The following PRKAR1A variants were observed in gnomAD, a reference collection of about 807,000 sequenced individuals.
PRKAR1A encodes protein kinase cAMP-dependent type I regulatory subunit alpha.
In PRKAR1A, 3 loss-of-function variants were observed where a neutral mutation model predicts 52.0. The ratio of observed to expected loss-of-function variants is 0.06; its 90% confidence interval spans 0.03 to 0.15. The LOEUF is 0.15. Among genes scored for constraint, PRKAR1A ranks in the 10% least tolerant of loss-of-function variants. The pLI is 1.00. For synonymous variants in PRKAR1A, 188 were observed against 168.4 expected, an observed-to-expected ratio of 1.12 and a Z score of -0.90; for missense variants, 240 against 477.4, an observed-to-expected ratio of 0.50 and a Z score of 4.63.
chr17:68,495,960 CTCTCT>C, the PRKAR1A span, among the ~76,000 whole-genome samples: 1 of 90,324 alleles, frequency 1.1e-5, no homozygotes, highest in East Asian at 4.3e-4. Context: ...CTTTCCTCTC[CTCTCT>C]CCTCTCCTCT....
the PRKAR1A span, among the ~76,000 whole-genome samples, chr17:68,437,036 G>A: frequency 1.2e-4 from 14 of 118,796 alleles, no homozygotes; most frequent in East Asian, 1.1e-3. Context: ...GTGTGTGTGT[G>A]TATATATTGC....
intron 11 of PRKAR1A, among the ~76,000 whole-genome samples, chr17:68,544,096 A>G (rs187253669): frequency 1.6e-4 from 25 of 152,342 alleles, no homozygotes; most frequent in African/African-American, 6.0e-4. Context: ...GAGGTAGTGC[A>G]GATCCAGATG....
chr17:68,544,316 T>A (rs1163479474), intron 11 of PRKAR1A, among the ~76,000 whole-genome samples: 2 of 152,172 alleles, frequency 1.3e-5, no homozygotes, highest in Non-Finnish European at 2.9e-5. Context: ...TTGATTTATA[T>A]ACATTAAATC....
the PRKAR1A span, among the ~76,000 whole-genome samples, chr17:68,490,504 C>A: frequency 6.6e-6 from 1 of 152,188 alleles, no homozygotes; most frequent in African/African-American, 2.4e-5. Context: ...CTGAGGACCT[C>A]CTGCACAGGG....
the PRKAR1A span, among the ~76,000 whole-genome samples, chr17:68,454,515 G>A: frequency 7.2e-5 from 11 of 152,168 alleles, no homozygotes; most frequent in Non-Finnish European, 1.2e-4. Context: ...ACGTCTCGCA[G>A]CCCTCCAACC....
chr17:68,428,371 G>A, the PRKAR1A span: 1 of 171,216 alleles, frequency 5.8e-6, no homozygotes, highest in African/African-American at 2.4e-5. Flanking sequence ...TGGGACTACA[G>A]GTGTGTGCCA....
chr17:68,429,909 T>A, the PRKAR1A span: 1 of 1,586,428 alleles, frequency 6.3e-7, no homozygotes, highest in African/African-American at 1.4e-5. Context: ...TTTCTTTTTT[T>A]CTTTTCAGGT....
chr17:68,476,959 C>T, the PRKAR1A span, among the ~76,000 whole-genome samples: 2 of 152,092 alleles, frequency 1.3e-5, no homozygotes, highest in Admixed American at 1.3e-4. Flanking sequence ...CGTGCTCGGC[C>T]GAGATTTCTA....
At chr17:68,528,754 C>T (rs1600491926) in intron 8 of PRKAR1A, 116 bp from the exon 9 acceptor site, 2 of 1,350,266 alleles carry the variant, frequency 1.5e-6, no homozygotes, top group East Asian at 4.6e-5. Flanking sequence ...TAATCTGAGA[C>T]ACTACTAGAA....
chr17:68,526,141 A>C (rs2085783709), intron 7 of PRKAR1A, among the ~76,000 whole-genome samples: 1 of 152,218 alleles, frequency 6.6e-6, no homozygotes, highest in South Asian at 2.1e-4. Flanking sequence ...AACCTTGGGA[A>C]ACAAGATCTG....
At chr17:68,543,870 C>A (rs1273682309) in intron 11 of PRKAR1A, 1 of 725,106 alleles carries the variant, frequency 1.4e-6, no homozygotes, top group Non-Finnish European at 2.4e-6. Context: ...TCAGGAATGG[C>A]CTGTGGCTCC....
chr17:68,542,695 T>C, intron 11 of PRKAR1A: 1 of 1,611,968 alleles, frequency 6.2e-7, no homozygotes, highest in Non-Finnish European at 8.5e-7. Flanking sequence ...GTACTCTACC[T>C]GGAGAGACAA....
the PRKAR1A span, among the ~76,000 whole-genome samples, chr17:68,496,097 A>T: frequency 5.2e-5 from 5 of 97,032 alleles, no homozygotes; most frequent in South Asian, 1.9e-3. Flanking sequence ...GCTGGAGTGC[A>T]GTGGCGCTAT....
At chr17:68,474,113 T>G in the PRKAR1A span, among the ~76,000 whole-genome samples, 1 of 152,226 alleles carries the variant, frequency 6.6e-6, no homozygotes, top group Admixed American at 6.5e-5. Flanking sequence ...TTTTCATTCT[T>G]GCTAATCTTT....
At chr17:68,467,519 C>A in the PRKAR1A span, among the ~76,000 whole-genome samples, 4 of 152,188 alleles carry the variant, frequency 2.6e-5, no homozygotes, top group African/African-American at 7.2e-5. Context: ...CTGCAAACTG[C>A]AAACCCTTGG....
chr17:68,422,407 C>T, the PRKAR1A span: 32,240 of 140,052 alleles, frequency 0.23, 3,707 homozygotes, highest in Middle Eastern at 0.39. Context: ...CCAGCCTGGG[C>T]GATGGAGCAA....
chr17:68,524,968 A>C lies in PRKAR1A; in HGVS notation c.549+10A>C, dbSNP rs751413552. ...TCAAGGAGAGACGGATGTAAGATTT[A>C]CCAATATCAAAAATATGTTGATCTT... On this transcript the variant is annotated intron_variant, in intron 6 of 10. Transcript: ENST00000589228. 33 of 1,595,390 alleles carry C rather than the reference A, an allele frequency of 2.1e-5. No individual in the cohort carries two copies. In the Middle Eastern group the frequency reaches 5.0e-4, roughly 24 times the overall value.
At chr17:68,448,847 C>T in the PRKAR1A span, among the ~76,000 whole-genome samples, 1 of 152,196 alleles carries the variant, frequency 6.6e-6, no homozygotes, top group African/African-American at 2.4e-5. Context: ...CATCTAAAAG[C>T]CTTCAATCAG....
chr17:68,500,667 C>G, the PRKAR1A span, among the ~76,000 whole-genome samples: 1 of 152,096 alleles, frequency 6.6e-6, no homozygotes, highest in African/African-American at 2.4e-5. Flanking sequence ...GTGCCCACCA[C>G]CACGCCCGGC....
Sources: gnomAD v4.1 joint callset for allele counts (sites outside exome capture counted in the v4.1 genomes callset) on GRCh38, gnomAD v4.1.1 for gene constraint, MANE v1.5 for transcripts, NCBI Gene and HGNC (gene_info 2026-07-23, HGNC 2026-07-21) for gene names.